FCGR2A: variants seen among roughly 807,000 people sequenced by gnomAD.
FCGR2A encodes low affinity immunoglobulin gamma Fc region receptor II-a.
Under a neutral mutation model 29.3 loss-of-function variants are expected in FCGR2A, and 18 were observed. The ratio of observed to expected loss-of-function variants is 0.62; its 90% CI spans 0.43 to 0.91. FCGR2A has a LOEUF of 0.91. Among genes scored for constraint, FCGR2A ranks in the 40% least tolerant of loss-of-function variants. The pLI, the probability that FCGR2A is intolerant of heterozygous loss-of-function variation, is 0.00. For synonymous variants in FCGR2A, 126 were observed against 144.8 expected, an observed-to-expected ratio of 0.87 and a Z score of 0.93; for missense variants, 287 against 393.0, an observed-to-expected ratio of 0.73 and a Z score of 2.28.
At chr1:161,505,666 A>G in intron 1 of FCGR2A, 114 bp downstream of exon 1, 4 of 877,852 alleles carry the variant, frequency 4.6e-6, no homozygotes, top group Non-Finnish European at 3.8e-6. Flanking sequence ...GATAGATTGA[A>G]AGAGGAGAGA....
At position 161,518,100 on chromosome 1, in the gene FCGR2A, C is replaced by T. The variant is rs758476200; in HGVS notation, c.906C>T (p.Asn302=). ...NPRAPTDDDK[N]IYLTLPPNDH... is the part of the protein sequence containing the mutation. The stretch of plus-strand genomic sequence containing the variant: ...GGGCACCTACTGACGATGATAAAAA[C>T]ATCTACCTGACTCTTCCTCCCAACG... The change falls in exon 7 of 7, where the codon AAC becomes AAT. Residue 302 remains asparagine, a synonymous_variant. Coordinates refer to ENST00000271450, the MANE Select transcript of FCGR2A (RefSeq NM_001136219.3). 5 of 1,613,698 alleles carry T rather than the reference C, an allele frequency of 3.1e-6. No individual in the cohort carries two copies. The highest frequency in any genetic ancestry group is 4.2e-6 in the Non-Finnish European group (5 of 1,179,852).
chr1:161,506,154 T>C (rs915345004), intron 2 of FCGR2A, 147 bp downstream of exon 2: 152 of 1,250,598 alleles, frequency 1.2e-4, no homozygotes, highest in Non-Finnish European at 1.6e-5. Flanking sequence ...TTTAGTGGGG[T>C]CTGGGATTTG....
intron 3 of FCGR2A, among the ~76,000 whole-genome samples, chr1:161,508,968 G>A (rs1443343705): frequency 1.3e-5 from 2 of 152,144 alleles, no homozygotes; most frequent in Non-Finnish European, 2.9e-5. Flanking sequence ...GTACAGTATG[G>A]TCTGAATGTT....
At chr1:161,512,405 A>G (rs1419847709) in intron 5 of FCGR2A, among the ~76,000 whole-genome samples, 1 of 147,572 alleles carries the variant, frequency 6.8e-6, no homozygotes, top group Non-Finnish European at 1.5e-5. Context: ...TCCAATGCCC[A>G]TGCACTCAAG....
At chr1:161,515,931 G>T (rs1297217753) in intron 6 of FCGR2A, among the ~76,000 whole-genome samples, 1 of 152,158 alleles carries the variant, frequency 6.6e-6, no homozygotes, top group Non-Finnish European at 1.5e-5. Context: ...TATTAAAGGA[G>T]CTCAACTGGC....
chr1:161,518,156 C>T lies in FCGR2A; in HGVS notation c.*8C>T, dbSNP rs367893153. On this transcript the variant is annotated 3_prime_UTR_variant, in exon 7 of 7. Transcript: ENST00000271450. ...GTCAACAGTAATAACTAAAGAGTAA[C>T]GTTATGCCATGTGGTCATACTCTCA... is the stretch of plus-strand genomic sequence containing the variant. The T allele has an allele frequency of 1.7e-5, 27 of 1,612,442 alleles. No individual in the cohort carries two copies. Among genetic ancestry groups the T allele is most frequent in the African/African-American group, 1.2e-4 (9 of 74,752 alleles).
intron 1 of FCGR2A, 31 bp from the exon 2 acceptor site, chr1:161,505,956 C>G: frequency 6.2e-7 from 1 of 1,613,328 alleles, no homozygotes; most frequent in Non-Finnish European, 8.5e-7. Flanking sequence ...TTCTCCTGCT[C>G]GACGTTGATC....
chr1:161,519,149 C>T lies in FCGR2A; in HGVS notation c.*1001C>T, dbSNP rs1179916337. 1 of 154,918 alleles carries T rather than the reference C, an allele frequency of 6.5e-6. No individual in the cohort carries two copies. Among genetic ancestry groups the T allele is most frequent in the African/African-American group, 2.4e-5 (1 of 41,412 alleles). The allele number at this position is 154,918 out of a possible 1,614,324, so 9.6% of individuals were successfully genotyped here. A position where few individuals can be genotyped will look rare whatever the true frequency, so the allele number is the denominator to read the frequency against. ...CTGGTATTTCCTGGACTAAATTCCC[C>T]TTGGGGAAGACGAAGGGATGCTGCA... On this transcript the variant is annotated 3_prime_UTR_variant, in exon 7 of 7. Transcript: ENST00000271450.
chr1:161,523,802 C>T (rs770967975), downstream of FCGR2A: 7 of 151,934 alleles, frequency 4.6e-5, no homozygotes, highest in Admixed American at 3.3e-4. Context: ...AGTGATTAAT[C>T]CTAGATGAGA....
At chr1:161,506,778 T>A in intron 3 of FCGR2A, 187 bp downstream of exon 3, 1 of 1,175,022 alleles carries the variant, frequency 8.5e-7, no homozygotes, top group Non-Finnish European at 1.2e-6. Flanking sequence ...GAAGGGGGAA[T>A]TTCTAATAAT....
intron 4 of FCGR2A, among the ~76,000 whole-genome samples, 159 bp from the exon 5 acceptor site, chr1:161,510,675 G>A (rs1278636419): frequency 1.3e-5 from 2 of 152,242 alleles, no homozygotes; most frequent in East Asian, 3.8e-4. Context: ...GGCTGGGGAT[G>A]TGGTGAATCT....
In FCGR2A at chr1:161,506,068, G is replaced by A. The variant is rs1675369179; in HGVS notation, c.106+61G>A. 2.6e-6 allele frequency: 4 copies of A among 1,549,276 alleles called. No individual in the cohort carries two copies. In the Admixed American group the frequency reaches 6.7e-5, roughly 26 times the overall value. On this transcript the variant is annotated intron_variant, in intron 2 of 6. Transcript: ENST00000271450. ...TTGTATCCTCATAATATGATGCTGTGTTTGCTGGGGCGGCGGGGGGGTATG... is the reference window on the plus strand; with the variant it reads ...TTGTATCCTCATAATATGATGCTGTATTTGCTGGGGCGGCGGGGGGGTATG...
chr1:161,506,118 G>A, intron 2 of FCGR2A, 111 bp downstream of exon 2: 5 of 1,335,056 alleles, frequency 3.7e-6, no homozygotes, highest in Non-Finnish European at 5.4e-6. Context: ...AATCAAGCTT[G>A]GGTTCAGCAT....
chr1:161,513,981 C>A, intron 6 of FCGR2A, 49 bp downstream of exon 6: 1 of 1,613,586 alleles, frequency 6.2e-7, no homozygotes, highest in Non-Finnish European at 8.5e-7. Context: ...TCCCTTCTCT[C>A]CTGTTTCCTC....
chr1:161,516,964 A>G (rs2102487063), intron 6 of FCGR2A, among the ~76,000 whole-genome samples: 1 of 134,904 alleles, frequency 7.4e-6, no homozygotes, highest in South Asian at 2.5e-4. Flanking sequence ...CAGAGAGTTT[A>G]CCAGAATGTT....
chr1:161,506,092 T>G, intron 2 of FCGR2A, 85 bp downstream of exon 2: 2 of 1,412,048 alleles, frequency 1.4e-6, no homozygotes, highest in South Asian at 2.3e-5. Context: ...CGGGGGGGTA[T>G]GTCTATTCCA....
chr1:161,507,007 T>G (rs538592781), intron 3 of FCGR2A, among the ~76,000 whole-genome samples: 2 of 151,478 alleles, frequency 1.3e-5, no homozygotes, highest in East Asian at 3.9e-4. Context: ...GAGGTGGGAG[T>G]GTAGAATTCA....
chr1:161,516,451 T>C (rs911535448), intron 6 of FCGR2A, among the ~76,000 whole-genome samples: 5 of 152,022 alleles, frequency 3.3e-5, no homozygotes, highest in African/African-American at 1.2e-4. Flanking sequence ...CTTTTAAAGG[T>C]CTAATCTGAG....
At chr1:161,523,837 A>AG (rs1312341730), downstream of FCGR2A, 1 of 151,958 alleles carries the variant, frequency 6.6e-6, no homozygotes, top group Non-Finnish European at 1.5e-5. Context: ...GGATCGGAAA[A>AG]AAATGAAAGT....
Sources: gnomAD v4.1 joint callset for allele counts (sites outside exome capture counted in the v4.1 genomes callset) on GRCh38, gnomAD v4.1.1 for gene constraint, MANE v1.5 for transcripts, NCBI Gene and HGNC (gene_info 2026-07-23, HGNC 2026-07-21) for gene names.